CYFIP2: variants seen among roughly 807,000 people sequenced by gnomAD.
CYFIP2 encodes the protein cytoplasmic FMR1-interacting protein 2.
A neutral mutation model predicts 158.7 loss-of-function variants in CYFIP2; 29 were observed. That is an observed-to-expected ratio of 0.18 (90% CI 0.14 to 0.25). CYFIP2 has a LOEUF of 0.25. Among genes scored for constraint, CYFIP2 ranks in the 10% least tolerant of loss-of-function variants. CYFIP2 has a pLI of 1.00. For missense variants in CYFIP2, 852 were observed against 1,639.5 expected (o/e 0.52, Z 8.29); for synonymous variants, 585 against 617.6 (o/e 0.95, Z 0.78).
chr5:157,312,443 T>C (rs1759810296), intron 11 of CYFIP2, among the ~76,000 whole-genome samples: 1 of 151,966 alleles, frequency 6.6e-6, no homozygotes, highest in Non-Finnish European at 1.5e-5. Flanking sequence ...CTAAGACTGG[T>C]ATTTGGATAT....
At chr5:157,360,436 C>A in intron 25 of CYFIP2, 64 bp downstream of exon 25, 1 of 1,398,380 alleles carries the variant, frequency 7.2e-7, no homozygotes, top group Non-Finnish European at 9.9e-7. Context: ...GACCATCCAC[C>A]TTAGAGCGTT....
At chr5:157,268,182 C>G (rs1755773610) in intron 1 of CYFIP2, among the ~76,000 whole-genome samples, 1 of 152,260 alleles carries the variant, frequency 6.6e-6, no homozygotes, top group South Asian at 2.1e-4. Context: ...GGCATTAGCT[C>G]TCTGCTCACT....
At chr5:157,279,505 G>A (rs1028356427) in intron 1 of CYFIP2, among the ~76,000 whole-genome samples, 2 of 152,188 alleles carry the variant, frequency 1.3e-5, no homozygotes, top group South Asian at 4.1e-4. Context: ...GCATTTATGG[G>A]ACCCACCCCC....
intron 26 of CYFIP2, among the ~76,000 whole-genome samples, chr5:157,372,849 G>C (rs1005286855): frequency 2.0e-5 from 3 of 152,060 alleles, no homozygotes; most frequent in African/African-American, 7.2e-5. Flanking sequence ...CCTCCCATTG[G>C]CCGTGGTGGG....
intron 30 of CYFIP2, among the ~76,000 whole-genome samples, chr5:157,392,184 T>C (rs1383357127): frequency 6.6e-6 from 1 of 152,254 alleles, no homozygotes; most frequent in Non-Finnish European, 1.5e-5. Context: ...TTATTTTCTA[T>C]TTTTCGGTTG....
intron 5 of CYFIP2, among the ~76,000 whole-genome samples, chr5:157,299,861 C>T (rs1758594143): frequency 6.6e-6 from 1 of 152,176 alleles, no homozygotes; most frequent in South Asian, 2.1e-4. Context: ...GACATTGTGC[C>T]ACTGCATTCC....
At chr5:157,296,363 G>A (rs996141772) in intron 4 of CYFIP2, 4 of 384,398 alleles carry the variant, frequency 1.0e-5, no homozygotes, top group Admixed American at 2.8e-5. Flanking sequence ...GGAGGCTGAG[G>A]TGGGAGGATT....
In CYFIP2 at chr5:157,266,303, C is replaced by G. The variant is rs533179389; in HGVS notation, c.-24+108C>G. 1 of 151,080 alleles carries G rather than the reference C, an allele frequency of 6.6e-6. No individual in the cohort carries two copies. Among genetic ancestry groups the G allele is most frequent in the African/African-American group, 2.4e-5 (1 of 41,428 alleles). 9.4% of individuals were successfully genotyped at this position (151,080 alleles called of 1,614,324 possible). On this transcript the variant is annotated intron_variant, in intron 1 of 30. Transcript: ENST00000620254. This position sits in a 1 kb window ranked among gnomAD's most constrained non-coding sequence, Gnocchi z 4.2. The stretch of plus-strand genomic sequence containing the variant: ...AAGGGCCGCCCCCTCTCCCGGCCCG[C>G]GGGGGGCGCTCGGCGCTGTGCCCGG...
intron 3 of CYFIP2, among the ~76,000 whole-genome samples, chr5:157,292,132 T>C (rs1198452792): frequency 6.6e-6 from 1 of 152,220 alleles, no homozygotes; most frequent in Non-Finnish European, 1.5e-5. Flanking sequence ...TCTAAATAAA[T>C]AATCCAATAT....
In CYFIP2 at chr5:157,360,501, G is replaced by A. The variant is rs193150163; in HGVS notation, c.2908+129G>A. ...GAGTACTGGCTATCCATCCTACCCC[G>A]CCACTAGCTAGATAGCCTTTTAATC... is the stretch of plus-strand genomic sequence containing the variant. On this transcript the variant is annotated intron_variant, in intron 25 of 30. Coordinates refer to ENST00000620254, the MANE Select transcript of CYFIP2 (RefSeq NM_001037333.3). The A allele has an allele frequency of 1.7e-3, 1,168 of 675,380 alleles. 3 individuals carry two copies. The highest frequency in any genetic ancestry group is 2.4e-3 in the Non-Finnish European group (954 of 398,458). 41.8% of individuals were successfully genotyped at this position (675,380 alleles called of 1,614,324 possible). A position where few individuals can be genotyped will look rare whatever the true frequency, so the allele number is the denominator to read the frequency against.
At chr5:157,303,083 C>T (rs923852934) in intron 7 of CYFIP2, 193 bp downstream of exon 7, 12 of 539,658 alleles carry the variant, frequency 2.2e-5, no homozygotes, top group Non-Finnish European at 2.0e-5. Flanking sequence ...GATTCACCCT[C>T]TCCAGTTGTC....
At chr5:157,293,323 TAGG>T (rs1757986638) in intron 3 of CYFIP2, among the ~76,000 whole-genome samples, 1 of 152,166 alleles carries the variant, frequency 6.6e-6, no homozygotes, top group Non-Finnish European at 1.5e-5. Flanking sequence ...TTCAAAGTGC[TAGG>T]ATTACAGGTG....
intron 19 of CYFIP2, among the ~76,000 whole-genome samples, chr5:157,330,281 T>C (rs1761352138): frequency 6.9e-6 from 1 of 145,204 alleles, no homozygotes; most frequent in African/African-American, 2.6e-5. Flanking sequence ...TGTGTGTGTG[T>C]GTGTTTGTGT....
At chr5:157,383,390 A>G (rs368116870) in intron 28 of CYFIP2, 31 bp downstream of exon 28, 59 of 1,587,836 alleles carry the variant, frequency 3.7e-5, no homozygotes, top group Non-Finnish European at 4.9e-5. Context: ...ATGGGCTCTG[A>G]TCACTGACAG....
chr5:157,392,452 T>C (rs1336747053), intron 30 of CYFIP2, among the ~76,000 whole-genome samples: 1 of 152,244 alleles, frequency 6.6e-6, no homozygotes, highest in African/African-American at 2.4e-5. Flanking sequence ...GTATCCATAT[T>C]TCCCAGCACC....
At chr5:157,340,746 G>A (rs1183415063) in intron 22 of CYFIP2, among the ~76,000 whole-genome samples, 3 of 152,122 alleles carry the variant, frequency 2.0e-5, no homozygotes, top group African/African-American at 4.8e-5. Flanking sequence ...CTCTGCTCTT[G>A]AGAAACCAAA....
chr5:157,356,425 A>G (rs1297279369), intron 23 of CYFIP2, among the ~76,000 whole-genome samples: 1 of 152,208 alleles, frequency 6.6e-6, no homozygotes, highest in African/African-American at 2.4e-5. Flanking sequence ...CGTGATTAAG[A>G]TTCCAAATCC....
intron 21 of CYFIP2, among the ~76,000 whole-genome samples, chr5:157,334,064 T>G (rs1581083414): frequency 6.6e-6 from 1 of 152,308 alleles, no homozygotes; most frequent in South Asian, 2.1e-4. Context: ...TTCAGTGCCT[T>G]CAAAAGCGAA....
At chr5:157,308,237 C>T (rs1268907576) in intron 9 of CYFIP2, among the ~76,000 whole-genome samples, 1 of 151,480 alleles carries the variant, frequency 6.6e-6, no homozygotes, top group Non-Finnish European at 1.5e-5. Context: ...GCTCTAATTT[C>T]CAGTATAAAT....
Sources: allele counts gnomAD v4.1 joint callset (sites outside exome capture counted in the v4.1 genomes callset), GRCh38; gene constraint gnomAD v4.1.1; non-coding constraint Gnocchi (gnomAD v3.1); transcripts MANE v1.5; gene names NCBI Gene and HGNC (gene_info 2026-07-23, HGNC 2026-07-21).